Variants in SYTL5 observed in about 807,000 individuals in gnomAD.
SYTL5 encodes synaptotagmin-like protein 5.
SYTL5 carries 34 observed loss-of-function variants against 55.9 expected under a neutral mutation model. The observed-to-expected ratio is 0.61, with a 90% CI of 0.46 to 0.81. The LOEUF (loss-of-function observed/expected upper bound fraction) is 0.81. SYTL5 is among the 30% of genes least tolerant of loss of function. The pLI is 0.00. For missense variants in SYTL5, 637 were observed against 546.7 expected (o/e 1.17, Z -1.65); for synonymous variants, 221 against 188.7 (o/e 1.17, Z -1.40).
At chrX:37,903,378 T>C in the SYTL5 span, among the ~76,000 whole-genome samples, 7 of 103,152 alleles carry the variant, frequency 6.8e-5, no homozygotes, top group African/African-American at 2.5e-4. Flanking sequence ...CCATAAAAAA[T>C]GATGAGTTCA....
the SYTL5 span, among the ~76,000 whole-genome samples, chrX:37,904,045 A>G: frequency 9.0e-6 from 1 of 111,401 alleles, no homozygotes; most frequent in Non-Finnish European, 1.9e-5. Flanking sequence ...CACAATGTCT[A>G]GTATGCATTA....
chrX:38,046,977 G>A (rs1035142017), intron 2 of SYTL5, among the ~76,000 whole-genome samples: 6 of 112,213 alleles, frequency 5.3e-5, no homozygotes, highest in Admixed American at 9.4e-5. Flanking sequence ...GGTCACGCAC[G>A]CTGATGCAAG....
At chrX:37,981,936 A>G in the SYTL5 span, among the ~76,000 whole-genome samples, 1 of 111,899 alleles carries the variant, frequency 8.9e-6, no homozygotes, top group African/African-American at 3.2e-5. Context: ...GAAAACAGTA[A>G]GTACTTAGAG....
At chrX:38,047,831 T>G (rs1411502334) in intron 2 of SYTL5, among the ~76,000 whole-genome samples, 2 of 111,402 alleles carry the variant, frequency 1.8e-5, no homozygotes, top group African/African-American at 6.5e-5. Flanking sequence ...ATCATCTCTC[T>G]CAAGTTCAAA....
chrX:37,997,253 A>G, the SYTL5 span, among the ~76,000 whole-genome samples: 1 of 112,090 alleles, frequency 8.9e-6, no homozygotes, highest in Non-Finnish European at 1.9e-5. Context: ...GGAGCTGGGG[A>G]CAAGTGGGAG....
chrX:38,125,274 A>G, intron 15 of SYTL5, 24 bp from the exon 16 acceptor site: 2 of 1,184,572 alleles, frequency 1.7e-6, no homozygotes, highest in Non-Finnish European at 2.3e-6. Flanking sequence ...CTTATTGATG[A>G]TTTGATTGTT....
intron 3 of SYTL5, among the ~76,000 whole-genome samples, chrX:38,070,413 G>A (rs1936226562): frequency 3.6e-5 from 4 of 110,848 alleles, no homozygotes; most frequent in South Asian, 3.9e-4. Flanking sequence ...AGTGGGCCAA[G>A]TGTATGTGTC....
At chrX:38,120,716 G>A (rs1937562369) in intron 14 of SYTL5, among the ~76,000 whole-genome samples, 1 of 110,196 alleles carries the variant, frequency 9.1e-6, no homozygotes, top group Non-Finnish European at 1.9e-5. Context: ...TTTGTTTTAT[G>A]TCCCAAAGAT....
the SYTL5 span, among the ~76,000 whole-genome samples, chrX:37,977,711 C>G: frequency 4.8e-5 from 4 of 83,230 alleles, no homozygotes; most frequent in African/African-American, 2.9e-4. Context: ...CACACACACA[C>G]ACACACACAC....
the SYTL5 span, among the ~76,000 whole-genome samples, chrX:37,902,925 T>C: frequency 8.9e-6 from 1 of 112,158 alleles, no homozygotes; most frequent in Non-Finnish European, 1.9e-5. Flanking sequence ...AATTCATTTA[T>C]GCAGCCAAAA....
At chrX:38,021,358 T>A (rs1422925663) in intron 1 of SYTL5, among the ~76,000 whole-genome samples, 1 of 111,947 alleles carries the variant, frequency 8.9e-6, no homozygotes, top group Non-Finnish European at 1.9e-5. Flanking sequence ...TAGGCATCAC[T>A]TCTCAAATGT....
chrX:37,980,602 T>C, the SYTL5 span, among the ~76,000 whole-genome samples: 1 of 112,233 alleles, frequency 8.9e-6, no homozygotes, highest in Non-Finnish European at 1.9e-5. Context: ...TCTTCTCCCC[T>C]TCAAACTTAG....
the SYTL5 span, among the ~76,000 whole-genome samples, chrX:37,984,594 C>A: frequency 9.0e-6 from 1 of 111,602 alleles, no homozygotes; most frequent in Non-Finnish European, 1.9e-5. Flanking sequence ...CAAACTCTTA[C>A]AAAATAATGG....
chrX:38,113,182 G>A (rs1323129213), intron 13 of SYTL5, among the ~76,000 whole-genome samples: 1 of 111,766 alleles, frequency 8.9e-6, no homozygotes, highest in Non-Finnish European at 1.9e-5. Context: ...TCATGGCATG[G>A]GATTATTTAT....
intron 12 of SYTL5, among the ~76,000 whole-genome samples, chrX:38,109,367 T>C: frequency 9.0e-6 from 1 of 111,409 alleles, no homozygotes; most frequent in Non-Finnish European, 1.9e-5. Context: ...TTGCCAATTC[T>C]ATGGAAATTT....
At chrX:37,914,423 G>A in the SYTL5 span, among the ~76,000 whole-genome samples, 1 of 111,645 alleles carries the variant, frequency 9.0e-6, no homozygotes, top group Non-Finnish European at 1.9e-5. Context: ...CAAGAACACA[G>A]ATGCATATTA....
intron 13 of SYTL5, 126 bp downstream of exon 13, chrX:38,110,608 G>A: frequency 4.2e-6 from 2 of 472,876 alleles, no homozygotes; most frequent in East Asian, 8.0e-5. Flanking sequence ...AATTAGTGCA[G>A]CAAATTTTGG....
At chrX:38,041,727 G>A (rs1347933234) in intron 2 of SYTL5, among the ~76,000 whole-genome samples, 3 of 112,276 alleles carry the variant, frequency 2.7e-5, no homozygotes, top group Admixed American at 9.4e-5. Flanking sequence ...CTTGTAAGGT[G>A]CACCATAGGC....
intron 1 of SYTL5, among the ~76,000 whole-genome samples, chrX:38,024,957 A>G (rs1934707810): frequency 1.8e-5 from 2 of 111,810 alleles, no homozygotes. Context: ...ATTCCATAGC[A>G]TCTCTCTTTG....
Sources: allele counts gnomAD v4.1 joint callset (sites outside exome capture counted in the v4.1 genomes callset), GRCh38; gene constraint gnomAD v4.1.1; transcripts MANE v1.5; gene names NCBI Gene and HGNC (gene_info 2026-07-23, HGNC 2026-07-21).